Variants in MIPOL1 observed in about 807,000 individuals in gnomAD.
The protein encoded by MIPOL1 is mirror-image polydactyly 1, also known as mirror-image polydactyly gene 1 protein.
MIPOL1 carries 57 observed loss-of-function variants against 60.9 expected under a neutral mutation model. That is an observed-to-expected ratio of 0.94 (90% CI 0.76 to 1.17). The LOEUF is 1.17. MIPOL1 is among the 50% of genes most tolerant of loss of function. The pLI, the probability that MIPOL1 is intolerant of heterozygous loss-of-function variation, is 0.00. For missense variants in MIPOL1, 551 were observed against 511.6 expected (o/e 1.08, Z -0.74); for synonymous variants, 179 against 168.8 (o/e 1.06, Z -0.47).
chr14:37,445,698 C>G (rs1453325998), intron 11 of MIPOL1, among the ~76,000 whole-genome samples: 2 of 151,792 alleles, frequency 1.3e-5, no homozygotes, highest in Non-Finnish European at 2.9e-5. Flanking sequence ...GTAACCAAAA[C>G]AGCATGGTAC....
intron 10 of MIPOL1, among the ~76,000 whole-genome samples, chr14:37,404,974 G>A (rs1036550029): frequency 1.3e-5 from 2 of 152,128 alleles, no homozygotes; most frequent in African/African-American, 4.8e-5. Context: ...TCTGAAACCA[G>A]TTTCTCTTTT....
chr14:37,513,876 G>A (rs1410808917), intron 12 of MIPOL1, among the ~76,000 whole-genome samples: 1 of 152,000 alleles, frequency 6.6e-6, no homozygotes, highest in Admixed American at 6.6e-5. Context: ...CAATAGAGAG[G>A]AATGGAAGAA....
At chr14:37,309,688 A>ATT (rs745631533) in intron 9 of MIPOL1, among the ~76,000 whole-genome samples, 4 of 132,832 alleles carry the variant, frequency 3.0e-5, no homozygotes, top group Admixed American at 7.6e-5. Context: ...TGACTCCAGC[A>ATT]TTTTTTTTTT....
At chr14:37,201,055 A>G (rs888339825) in intron 1 of MIPOL1, among the ~76,000 whole-genome samples, 15 of 151,646 alleles carry the variant, frequency 9.9e-5, no homozygotes, top group African/African-American at 3.4e-4. Flanking sequence ...GGCACACACC[A>G]ACATGCCCAG....
At chr14:37,401,161 GGAGT>G (rs2093474175) in intron 10 of MIPOL1, 1 of 152,064 alleles carries the variant, frequency 6.6e-6, no homozygotes, top group African/African-American at 2.4e-5. Flanking sequence ...ACAAGGAAAT[GGAGT>G]GAAATGATCA....
At chr14:37,418,380 G>T (rs1403609242) in intron 10 of MIPOL1, among the ~76,000 whole-genome samples, 1 of 152,086 alleles carries the variant, frequency 6.6e-6, no homozygotes, top group East Asian at 1.9e-4. Flanking sequence ...GTCCTATTTA[G>T]ATGGCATTGG....
intron 11 of MIPOL1, among the ~76,000 whole-genome samples, chr14:37,471,906 A>G (rs972930048): frequency 1.3e-5 from 2 of 152,202 alleles, no homozygotes; most frequent in Non-Finnish European, 2.9e-5. Context: ...GTCAGTACTC[A>G]TCTCTAGCCC....
chr14:37,330,910 A>C (rs1301140984), intron 9 of MIPOL1, among the ~76,000 whole-genome samples: 1 of 152,136 alleles, frequency 6.6e-6, no homozygotes, highest in Non-Finnish European at 1.5e-5. Context: ...TATTTGTTGT[A>C]TCTAAAGGGC....
At chr14:37,463,840 A>G (rs528871111) in intron 11 of MIPOL1, among the ~76,000 whole-genome samples, 1 of 152,216 alleles carries the variant, frequency 6.6e-6, no homozygotes, top group Non-Finnish European at 1.5e-5. Context: ...AAGAGAGGAG[A>G]TATTTGCTGT....
chr14:37,316,029 A>T (rs1595093033), intron 9 of MIPOL1, among the ~76,000 whole-genome samples: 4 of 143,444 alleles, frequency 2.8e-5, no homozygotes, highest in African/African-American at 1.0e-4. Flanking sequence ...TATTTATTTA[A>T]TTTTTTTTTT....
intron 10 of MIPOL1, among the ~76,000 whole-genome samples, chr14:37,389,588 T>A (rs1268793681): frequency 6.6e-6 from 1 of 151,260 alleles, no homozygotes; most frequent in Admixed American, 6.6e-5. Context: ...AATCTTTTAT[T>A]CATTGGAGTA....
intron 11 of MIPOL1, among the ~76,000 whole-genome samples, chr14:37,466,014 A>C (rs2094594028): frequency 6.6e-6 from 1 of 152,202 alleles, no homozygotes; most frequent in Non-Finnish European, 1.5e-5. Context: ...GGGGCTCAAC[A>C]GATAATTTAA....
At chr14:37,234,734 TC>T (rs374516324) in intron 1 of MIPOL1, among the ~76,000 whole-genome samples, 268 of 152,030 alleles carry the variant, frequency 1.8e-3, no homozygotes, top group African/African-American at 6.1e-3. Flanking sequence ...CATTTATTGG[TC>T]CCTGCAGTAC....
At chr14:37,308,792 T>G (rs1233678676) in intron 9 of MIPOL1, among the ~76,000 whole-genome samples, 1 of 152,120 alleles carries the variant, frequency 6.6e-6, no homozygotes, top group East Asian at 1.9e-4. Flanking sequence ...TTATAGAAAT[T>G]GTTATATTTT....
chr14:37,229,539 A>G (rs181102946), intron 1 of MIPOL1, among the ~76,000 whole-genome samples: 10 of 152,318 alleles, frequency 6.6e-5, no homozygotes, highest in African/African-American at 2.4e-4. Context: ...TTAACATTAC[A>G]GAGTAGCAGA....
At chr14:37,429,604 C>T (rs2094024186) in intron 11 of MIPOL1, among the ~76,000 whole-genome samples, 1 of 152,030 alleles carries the variant, frequency 6.6e-6, no homozygotes. Context: ...TAAACATTAA[C>T]CCTACTTACT....
chr14:37,492,553 G>A (rs2095060582), intron 11 of MIPOL1, among the ~76,000 whole-genome samples: 1 of 152,126 alleles, frequency 6.6e-6, no homozygotes, highest in African/African-American at 2.4e-5. Context: ...GGCAGGTATT[G>A]TGCCAGTTAT....
intron 11 of MIPOL1, among the ~76,000 whole-genome samples, chr14:37,428,334 C>G (rs1456562343): frequency 6.6e-6 from 1 of 152,190 alleles, no homozygotes; most frequent in African/African-American, 2.4e-5. Context: ...TGGTGGCTCA[C>G]GCCTGTAACC....
intron 9 of MIPOL1, among the ~76,000 whole-genome samples, chr14:37,347,855 G>C (rs377358565): frequency 6.6e-6 from 1 of 152,006 alleles, no homozygotes; most frequent in Non-Finnish European, 1.5e-5. Flanking sequence ...CAAAAGAATC[G>C]CATTTTCAAA....
Sources: gnomAD v4.1 joint callset for allele counts (sites outside exome capture counted in the v4.1 genomes callset) on GRCh38, gnomAD v4.1.1 for gene constraint, MANE v1.5 for transcripts, NCBI Gene and HGNC (gene_info 2026-07-23, HGNC 2026-07-21) for gene names.